The following CFAP44 variants were observed in gnomAD, a reference collection of about 807,000 sequenced individuals.
The protein encoded by CFAP44 is cilia and flagella associated protein 44, also known as cilia- and flagella-associated protein 44.
A neutral mutation model predicts 216.2 loss-of-function variants in CFAP44; 134 were observed. The ratio of observed to expected loss-of-function variants is 0.62; its 90% CI spans 0.54 to 0.72. The LOEUF is 0.72. Among genes scored for constraint, CFAP44 ranks in the 30% least tolerant of loss-of-function variants. The pLI, the probability that CFAP44 is intolerant of heterozygous loss-of-function variation, is 0.00. For synonymous variants in CFAP44, 700 were observed against 727.6 expected (o/e 0.96, Z 0.61); for missense variants, 2,035 against 2,182.1 (o/e 0.93, Z 1.34).
chr3:113,388,144 G>C (rs1255921455), intron 15 of CFAP44, among the ~76,000 whole-genome samples: 4 of 152,042 alleles, frequency 2.6e-5, no homozygotes, highest in Non-Finnish European at 5.9e-5. Flanking sequence ...AGCCTGGCTG[G>C]CTTCACCACC....
intron 15 of CFAP44, among the ~76,000 whole-genome samples, chr3:113,393,674 C>T (rs1008260096): frequency 6.6e-6 from 1 of 151,826 alleles, no homozygotes; most frequent in Non-Finnish European, 1.5e-5. Context: ...CACCACCATA[C>T]CTGGCTAATT....
In CFAP44 at chr3:113,330,642, G is replaced by A. The variant is rs1202706228; in HGVS notation, c.3642C>T (p.Asn1214=). The change falls in exon 26 of 35, where the codon AAC becomes AAT. Residue 1214 remains asparagine (N), a synonymous_variant. Transcript: ENST00000393845. Reference sequence around the variant, plus strand: ...GGTCTCTAAGAGAGAGAATGCACTTGTTCATGTGCCTTTTATTTCCATGGA... The same window carrying A: ...GGTCTCTAAGAGAGAGAATGCACTTATTCATGTGCCTTTTATTTCCATGGA... ...SLVHGNKRHM[N]KCILSLRDLK... is the part of the protein sequence containing the mutation. The A allele has an allele frequency of 9.8e-6, 15 of 1,532,958 alleles. No individual in the cohort carries two copies. Among genetic ancestry groups the A allele is most frequent in the Non-Finnish European group, 1.0e-5 (12 of 1,145,598 alleles). 95.0% of individuals were successfully genotyped at this position (1,532,958 alleles called of 1,614,324 possible).
chr3:113,293,170 G>T (rs1484527412), intron 34 of CFAP44, among the ~76,000 whole-genome samples: 2 of 152,036 alleles, frequency 1.3e-5, no homozygotes, highest in Admixed American at 6.6e-5. Flanking sequence ...CATTCCAGTG[G>T]GTTACTTTGA....
At chr3:113,333,079 C>T (rs1463045381) in intron 25 of CFAP44, among the ~76,000 whole-genome samples, 3 of 152,126 alleles carry the variant, frequency 2.0e-5, no homozygotes, top group African/African-American at 7.2e-5. Context: ...AGTCAAACTC[C>T]GACCTAGATT....
intron 16 of CFAP44, 39 bp from the exon 17 acceptor site, chr3:113,379,590 T>C: frequency 6.7e-7 from 1 of 1,485,642 alleles, no homozygotes; most frequent in Non-Finnish European, 9.2e-7. Flanking sequence ...AAAACAATTA[T>C]GACTCATTCG....
intron 15 of CFAP44, among the ~76,000 whole-genome samples, chr3:113,393,865 C>T (rs902576532): frequency 5.3e-5 from 8 of 152,090 alleles, no homozygotes; most frequent in Admixed American, 4.6e-4. Context: ...TCTATACAGG[C>T]TAACTCCTTT....
chr3:113,306,952 T>A (rs1419186144), intron 29 of CFAP44, among the ~76,000 whole-genome samples: 1 of 152,224 alleles, frequency 6.6e-6, no homozygotes, highest in Non-Finnish European at 1.5e-5. Flanking sequence ...GACCATTGTA[T>A]TCAAAAGTAA....
intron 5 of CFAP44, among the ~76,000 whole-genome samples, chr3:113,419,507 T>C (rs1934748229): frequency 6.6e-6 from 1 of 152,200 alleles, no homozygotes; most frequent in African/African-American, 2.4e-5. Flanking sequence ...CATGTATACA[T>C]ACTATATATA....
intron 32 of CFAP44, among the ~76,000 whole-genome samples, chr3:113,302,784 A>AG (rs1949950563): frequency 6.6e-6 from 1 of 150,926 alleles, no homozygotes; most frequent in Non-Finnish European, 1.5e-5. Context: ...AAAAAAAAAA[A>AG]AAAAAAAGAA....
chr3:113,315,555 C>G (rs1950078551), intron 28 of CFAP44, among the ~76,000 whole-genome samples: 1 of 152,134 alleles, frequency 6.6e-6, no homozygotes, highest in Admixed American at 6.6e-5. Context: ...ATGTAAGAGA[C>G]CTCAACAGCA....
At chr3:113,347,773 C>T (rs1370213649) in intron 22 of CFAP44, among the ~76,000 whole-genome samples, 1 of 152,188 alleles carries the variant, frequency 6.6e-6, no homozygotes, top group African/African-American at 2.4e-5. Context: ...CCCAGAGATC[C>T]CTTCCCTCCC....
chr3:113,425,895 C>T, intron 4 of CFAP44: 1 of 445,658 alleles, frequency 2.2e-6, no homozygotes, highest in Non-Finnish European at 3.9e-6. Flanking sequence ...ATAGTTTTTG[C>T]CTTGTGAGCC....
At chr3:113,353,255 T>G (rs148861553) in intron 22 of CFAP44, among the ~76,000 whole-genome samples, 2 of 152,130 alleles carry the variant, frequency 1.3e-5, no homozygotes, top group African/African-American at 4.8e-5. Context: ...AACCACAGAA[T>G]GAAAGGACTA....
intron 5 of CFAP44, 92 bp from the exon 6 acceptor site, chr3:113,416,719 A>T: frequency 1.1e-6 from 1 of 903,452 alleles, no homozygotes; most frequent in East Asian, 2.8e-5. Context: ...ATTATTTCAT[A>T]ATTTATTAGG....
intron 28 of CFAP44, among the ~76,000 whole-genome samples, chr3:113,316,977 A>G (rs1471731102): frequency 6.6e-6 from 1 of 152,196 alleles, no homozygotes; most frequent in Non-Finnish European, 1.5e-5. Context: ...AACCACCATA[A>G]TTTAAAAATG....
chr3:113,439,902 C>A (rs983511741), intron 1 of CFAP44, among the ~76,000 whole-genome samples: 1 of 152,046 alleles, frequency 6.6e-6, no homozygotes. Context: ...AACAGACTCT[C>A]GGTTTTTACT....
At chr3:113,339,504 G>A (rs967994791) in intron 24 of CFAP44, among the ~76,000 whole-genome samples, 3 of 152,170 alleles carry the variant, frequency 2.0e-5, no homozygotes, top group Admixed American at 6.5e-5. Flanking sequence ...CCTCACCTAT[G>A]CCTCCATTTC....
At chr3:113,311,867 G>C (rs1950041884) in intron 28 of CFAP44, among the ~76,000 whole-genome samples, 1 of 152,164 alleles carries the variant, frequency 6.6e-6, no homozygotes. Flanking sequence ...AAGCTTGTTG[G>C]GAACTGGAGC....
At chr3:113,312,238 A>ATTTTTT (rs769734983) in intron 28 of CFAP44, among the ~76,000 whole-genome samples, 3,098 of 130,540 alleles carry the variant, frequency 0.024, 58 homozygotes, top group East Asian at 0.085. Context: ...TGCCTGGCTA[A>ATTTTTT]TTTTTTTTTT....
Sources: allele counts gnomAD v4.1 joint callset (sites outside exome capture counted in the v4.1 genomes callset), GRCh38; gene constraint gnomAD v4.1.1; transcripts MANE v1.5; gene names NCBI Gene and HGNC (gene_info 2026-07-23, HGNC 2026-07-21).